ZFHX4: variants seen among roughly 807,000 people sequenced by gnomAD.
The protein encoded by ZFHX4 is zinc finger homeobox protein 4.
Under a neutral mutation model 267.6 loss-of-function variants are expected in ZFHX4, and 56 were observed. The observed-to-expected ratio is 0.21, with a 90% CI of 0.17 to 0.26. The LOEUF is 0.26. ZFHX4 is among the 10% of genes least tolerant of loss of function. The pLI is 1.00. For missense variants in ZFHX4, 4,332 were observed against 4,420.0 expected (o/e 0.98, Z 0.56); for synonymous variants, 1,778 against 1,665.6 (o/e 1.07, Z -1.64).
chr8:76,800,831 C>T (rs1811100486), intron 4 of ZFHX4, among the ~76,000 whole-genome samples: 1 of 152,120 alleles, frequency 6.6e-6, no homozygotes, highest in South Asian at 2.1e-4. Context: ...CTAAAATTTG[C>T]AGTTTGCGAG....
intron 4 of ZFHX4, among the ~76,000 whole-genome samples, chr8:76,807,867 T>C (rs1428076352): frequency 6.6e-6 from 1 of 152,132 alleles, no homozygotes; most frequent in African/African-American, 2.4e-5. Context: ...ATAAATCTTA[T>C]CTATGCATGT....
At position 76,706,359 on chromosome 8, in the gene ZFHX4, T is replaced by A. The variant is rs768311097; in HGVS notation, c.2271T>A (p.Ser757=). 6.2e-7 allele frequency: 1 copy of A among 1,613,888 alleles called. No individual in the cohort carries two copies. The highest frequency in any genetic ancestry group is 1.3e-5 in the African/African-American group (1 of 74,932). The change falls in exon 2 of 11, where the codon TCT becomes TCA. Residue 757 remains serine, a synonymous_variant. Transcript: ENST00000651372. Reference sequence around the variant, plus strand: ...GCCTCAGTGGCTGCGGAACACCCTCTCCGTCCAAACCCAAACAGAAACCCA... The same window carrying A: ...GCCTCAGTGGCTGCGGAACACCCTCACCGTCCAAACCCAAACAGAAACCCA... ...NTSLSGCGTP[S]PSKPKQKPTW...
chr8:76,851,100 T>C lies in ZFHX4; in HGVS notation c.4179T>C (p.His1393=), dbSNP rs1214429544. The C allele has an allele frequency of 1.9e-6, 3 of 1,613,900 alleles. No individual in the cohort carries two copies. The highest frequency in any genetic ancestry group is 2.5e-6 in the Non-Finnish European group (3 of 1,179,890). The change falls in exon 10 of 11, where the codon CAT becomes CAC. Residue 1393 remains histidine (H), a synonymous_variant. Transcript: ENST00000651372. ...KRQPLSVSDR[H]VYKYRCNHCS... ...AACCGCTCTCTGTTTCTGACCGTCA[T>C]GTCTACAAGTATCGCTGTAACCATT...
Position 76,797,994 on chromosome 8 carries a change from C to T in ZFHX4, c.3325+19555C>T, listed in dbSNP as rs73237583. Reference sequence around the variant, plus strand: ...TAGTCTTCTAAGATGTTGTCAGTAACCAGTCTTATTAATACTAATGTGTTG... The same window carrying T: ...TAGTCTTCTAAGATGTTGTCAGTAATCAGTCTTATTAATACTAATGTGTTG... On this transcript the variant is annotated intron_variant, in intron 4 of 10. Coordinates refer to ENST00000651372, the MANE Select transcript of ZFHX4 (RefSeq NM_024721.5). 8.8e-3 allele frequency among the ~76,000 whole-genome samples: 1,327 copies of T among 151,554 alleles called. 25 individuals are homozygous for T. The highest frequency in any genetic ancestry group is 0.031 in the African/African-American group (1,281 of 41,302).
At chr8:76,732,177 A>G (rs1809033463) in intron 3 of ZFHX4, among the ~76,000 whole-genome samples, 1 of 152,172 alleles carries the variant, frequency 6.6e-6, no homozygotes, top group Non-Finnish European at 1.5e-5. Context: ...AATATATGGT[A>G]ATTTCTAATA....
At position 76,853,161 on chromosome 8, in the gene ZFHX4, C is replaced by A; in HGVS notation, c.6240C>A (p.Ser2080=). 1 of 1,548,530 alleles carries A rather than the reference C, an allele frequency of 6.5e-7. No individual in the cohort carries two copies. Among genetic ancestry groups the A allele is most frequent in the Non-Finnish European group, 8.7e-7 (1 of 1,146,078 alleles). The change falls in exon 10 of 11, where the codon TCC becomes TCA. Residue 2080 remains serine, a synonymous_variant. Coordinates refer to ENST00000651372, the MANE Select transcript of ZFHX4 (RefSeq NM_024721.5). ...CTCTGGACCTGCCGCTCTTTCCTTCCATTATGATGCAACCTGTGCAACACC... is the reference window on the plus strand; with the variant it reads ...CTCTGGACCTGCCGCTCTTTCCTTCAATTATGATGCAACCTGTGCAACACC... ...PVSLDLPLFP[S]IMMQPVQHPA...
chr8:76,698,749 T>G (rs570197068), intron 1 of ZFHX4, among the ~76,000 whole-genome samples: 1 of 152,246 alleles, frequency 6.6e-6, no homozygotes, highest in Non-Finnish European at 1.5e-5. Context: ...CTTTGTAAAT[T>G]TTCTCTACTT....
chr8:76,696,642 A>G (rs1451055970), intron 1 of ZFHX4, among the ~76,000 whole-genome samples: 1 of 151,664 alleles, frequency 6.6e-6, no homozygotes, highest in East Asian at 1.9e-4. Context: ...GCCAAAAAAA[A>G]AAAAAAAAAC....
At position 76,731,174 on chromosome 8, in the gene ZFHX4, C is replaced by G. The variant is rs147675697; in HGVS notation, c.3093+23126C>G. 5.4e-3 allele frequency among the ~76,000 whole-genome samples: 826 copies of G among 152,280 alleles called. 11 individuals carry two copies. The highest frequency in any genetic ancestry group is 0.019 in the African/African-American group (774 of 41,554). On this transcript the variant is annotated intron_variant, in intron 3 of 10. Transcript: ENST00000651372. ...TGTCCTGAGTATATACAAAAACACACATTTTTCTCTCTGAAGAGTGTGTCC... is the reference window on the plus strand; with the variant it reads ...TGTCCTGAGTATATACAAAAACACAGATTTTTCTCTCTGAAGAGTGTGTCC...
At chr8:76,795,886 C>A (rs1173795749) in intron 4 of ZFHX4, among the ~76,000 whole-genome samples, 1 of 152,076 alleles carries the variant, frequency 6.6e-6, no homozygotes. Flanking sequence ...GTTCAATTTT[C>A]ATGGAATATA....
At chr8:76,719,150 A>ATGTGTGTG (rs10589034) in intron 3 of ZFHX4, among the ~76,000 whole-genome samples, 83 of 134,480 alleles carry the variant, frequency 6.2e-4, no homozygotes, top group African/African-American at 2.1e-3. Context: ...GATGAATTGC[A>ATGTGTGTG]TGTGTGTGTG....
At chr8:76,858,102 T>A (rs1159162388) in intron 10 of ZFHX4, among the ~76,000 whole-genome samples, 2 of 152,224 alleles carry the variant, frequency 1.3e-5, no homozygotes, top group African/African-American at 4.8e-5. Context: ...TTTTCTCCAC[T>A]GAGTCTGAAG....
Position 76,864,782 on chromosome 8 carries a change from C to T in ZFHX4, c.*217C>T, listed in dbSNP as rs1812987449. On this transcript the variant is annotated 3_prime_UTR_variant, in exon 11 of 11. Coordinates refer to ENST00000651372, the MANE Select transcript of ZFHX4 (RefSeq NM_024721.5). ...TGGTTGAATGCGCTTGTACTATATG[C>T]TAAAATATGGAAAAGGAAAAAAAAA... 1 of 343,988 alleles carries T rather than the reference C, an allele frequency of 2.9e-6. No homozygotes were observed. The highest frequency in any genetic ancestry group is 4.4e-5 in the Admixed American group (1 of 22,892). 21.3% of individuals were successfully genotyped at this position (343,988 alleles called of 1,614,324 possible). A position where few individuals can be genotyped will look rare whatever the true frequency, so the allele number is the denominator to read the frequency against.
At chr8:76,722,604 T>A (rs1808751481) in intron 3 of ZFHX4, among the ~76,000 whole-genome samples, 1 of 150,000 alleles carries the variant, frequency 6.7e-6, no homozygotes, top group Non-Finnish European at 1.5e-5. Flanking sequence ...TCACTTTTTA[T>A]GTGTTTTTTT....
chr8:76,761,618 A>T (rs1255963697), intron 3 of ZFHX4, among the ~76,000 whole-genome samples: 2 of 152,204 alleles, frequency 1.3e-5, no homozygotes, highest in African/African-American at 2.4e-5. Context: ...GTAAAAAGAG[A>T]TCCTTGGACC....
Position 76,766,324 on chromosome 8 carries a change from G to A in ZFHX4, c.3094-11884G>A, listed in dbSNP as rs1585922667. Among the ~76,000 whole-genome samples, 5 of 152,180 alleles carry A rather than the reference G, an allele frequency of 3.3e-5. No individual in the cohort carries two copies. The South Asian group carries it at 1.0e-3, about 32-fold the overall frequency. On this transcript the variant is annotated intron_variant, in intron 3 of 10. Transcript: ENST00000651372. ...CCATTTTAATATGATTTGCTGGTAGGTGGTTGCTGAGAGCCTAATCAAACC... is the reference window on the plus strand; with the variant it reads ...CCATTTTAATATGATTTGCTGGTAGATGGTTGCTGAGAGCCTAATCAAACC...
In ZFHX4 at chr8:76,853,658, A is replaced by T; in HGVS notation, c.6737A>T (p.Asp2246Val). 1 of 1,613,680 alleles carries T rather than the reference A, an allele frequency of 6.2e-7. No individual in the cohort carries two copies. The highest frequency in any genetic ancestry group is 8.5e-7 in the Non-Finnish European group (1 of 1,179,796). The change falls in exon 10 of 11, where the codon GAC becomes GTC. Residue 2246 changes from aspartate (D) to valine (V), a missense_variant. By Grantham distance (152) the Asp-to-Val change is radical. This residue lies in a region of ZFHX4 where 62 missense variants were observed against 69.8 expected (regional missense o/e 0.89). Transcript: ENST00000651372. Reference sequence around the variant, plus strand: ...CTTAGGGTTCTGCAAGACTTTTTTGACACAAACGCTTACCCAAAAGATGAT... The same window carrying T: ...CTTAGGGTTCTGCAAGACTTTTTTGTCACAAACGCTTACCCAAAAGATGAT... ...YQLRVLQDFF[D>V]TNAYPKDDEI...
intron 9 of ZFHX4, 26 bp downstream of exon 9, chr8:76,850,388 G>C (rs1473110404): frequency 6.4e-7 from 1 of 1,561,518 alleles, no homozygotes; most frequent in Non-Finnish European, 8.8e-7. Flanking sequence ...ATCAAGACTT[G>C]TGAACAATAC....
chr8:76,863,249 G>A lies in ZFHX4; in HGVS notation c.9535G>A (p.Gly3179Arg), dbSNP rs1000085402. 2 of 1,600,952 alleles carry A rather than the reference G, an allele frequency of 1.2e-6. No individual in the cohort carries two copies. The highest frequency in any genetic ancestry group is 1.7e-6 in the Non-Finnish European group (2 of 1,173,234). The stretch of plus-strand genomic sequence containing the variant: ...TCCTCCTCCTTCATCCTCTCTGTCA[G>A]GACAGCAGACCGAGCAACAGAACAA... ...PPPPPSSSLS[G>R]QQTEQQNKES... The change falls in exon 11 of 11, where the codon GGA (glycine) becomes AGA (arginine). Residue 3179 changes from glycine to arginine, a missense_variant. Gly to Arg is a moderately radical substitution (Grantham distance 125, BLOSUM62 -2). Transcript: ENST00000651372.
Sources: gnomAD v4.1 joint callset for allele counts (sites outside exome capture counted in the v4.1 genomes callset) on GRCh38, gnomAD v4.1.1 for gene constraint, gnomAD v4.1.1 regional missense constraint, MANE v1.5 for transcripts, NCBI Gene and HGNC (gene_info 2026-07-23, HGNC 2026-07-21) for gene names.